The following PRTG variants were observed in gnomAD, a reference collection of about 807,000 sequenced individuals.
PRTG encodes immunoglobulin superfamily, DCC subclass, member 5.
PRTG carries 67 observed loss-of-function variants against 122.5 expected under a neutral mutation model. The ratio of observed to expected loss-of-function variants is 0.55; its 90% confidence interval spans 0.45 to 0.67. The LOEUF is 0.67. PRTG is among the 30% of genes least tolerant of loss of function. The pLI is 0.00. For missense variants in PRTG, 1,435 were observed against 1,415.4 expected (o/e 1.01, Z -0.22); for synonymous variants, 554 against 501.1 (o/e 1.11, Z -1.41).
At chr15:55,646,555 C>T (rs1402039248) in intron 11 of PRTG, among the ~76,000 whole-genome samples, 3 of 152,100 alleles carry the variant, frequency 2.0e-5, no homozygotes, top group Non-Finnish European at 2.9e-5. Flanking sequence ...ATCTCCTGAC[C>T]TCGTGATCCA....
intron 2 of PRTG, among the ~76,000 whole-genome samples, chr15:55,714,904 CTT>C (rs1282571884): frequency 6.6e-6 from 1 of 152,148 alleles, no homozygotes; most frequent in African/African-American, 2.4e-5. Flanking sequence ...TCAGAGAGTT[CTT>C]TAACATCTTA....
Position 55,680,498 on chromosome 15 carries a change from G to T in PRTG, c.807C>A (p.Ser269Arg). The change falls in exon 5 of 20, where the codon AGC becomes AGA. Residue 269 changes from serine (S) to arginine (R), a missense_variant. Physicochemically the swap from Ser to Arg is moderately radical, Grantham distance 110. Coordinates refer to ENST00000389286, the MANE Select transcript of PRTG (RefSeq NM_173814.6). The part of the protein sequence containing the change: ...TGNPKPIISW[S>R]RLDHKSIDVF... Reference sequence around the variant, plus strand: ...TTTCCTGAGAAGACTTACCAAGGCGGCTCCAAGAAATGATTGGTTTGGGAT... The same window carrying T: ...TTTCCTGAGAAGACTTACCAAGGCGTCTCCAAGAAATGATTGGTTTGGGAT... 6.3e-7 allele frequency: 1 copy of T among 1,587,978 alleles called. No individual in the cohort carries two copies. Among genetic ancestry groups the T allele is most frequent in the Non-Finnish European group, 8.6e-7 (1 of 1,169,446 alleles).
chr15:55,640,709 T>G (rs926467625), intron 12 of PRTG, among the ~76,000 whole-genome samples: 14 of 152,064 alleles, frequency 9.2e-5, no homozygotes, highest in Non-Finnish European at 1.3e-4. Flanking sequence ...ACTGAGCACC[T>G]ATTTGTTTAA....
intron 2 of PRTG, among the ~76,000 whole-genome samples, chr15:55,717,362 G>A (rs1338492848): frequency 6.6e-6 from 1 of 152,180 alleles, no homozygotes; most frequent in Non-Finnish European, 1.5e-5. Flanking sequence ...AGAAGCCTCA[G>A]GAAGAAAAGG....
chr15:55,733,315 A>T (rs2031299871), intron 2 of PRTG, among the ~76,000 whole-genome samples: 1 of 152,008 alleles, frequency 6.6e-6, no homozygotes, highest in African/African-American at 2.4e-5. Flanking sequence ...GTTCGAGACC[A>T]GCCTGACCAA....
At chr15:55,691,245 G>A (rs1456099363) in intron 2 of PRTG, among the ~76,000 whole-genome samples, 10 of 147,064 alleles carry the variant, frequency 6.8e-5, no homozygotes, top group South Asian at 2.2e-4. Flanking sequence ...GCAGTGAGCC[G>A]AGATCGCACC....
At chr15:55,629,375 ATGTG>A (rs59080250) in intron 15 of PRTG, among the ~76,000 whole-genome samples, 2,094 of 47,156 alleles carry the variant, frequency 0.044, 22 homozygotes, top group African/African-American at 0.054. Context: ...ATATATATAT[ATGTG>A]TGTGTGTGTG....
At chr15:55,704,870 A>G (rs2030039113) in intron 2 of PRTG, among the ~76,000 whole-genome samples, 1 of 152,242 alleles carries the variant, frequency 6.6e-6, no homozygotes, top group African/African-American at 2.4e-5. Flanking sequence ...TCAGATGACC[A>G]GTTAAAGTGA....
chr15:55,684,652 T>G (rs1184586074), intron 2 of PRTG, among the ~76,000 whole-genome samples: 2 of 152,020 alleles, frequency 1.3e-5, no homozygotes, highest in Admixed American at 1.3e-4. Flanking sequence ...GAGTCTCAAG[T>G]CAAAAGTCCA....
chr15:55,678,850 A>C (rs2059519786), intron 7 of PRTG, among the ~76,000 whole-genome samples: 1 of 152,234 alleles, frequency 6.6e-6, no homozygotes, highest in African/African-American at 2.4e-5. Flanking sequence ...TGTTACAATA[A>C]TTTGTATTTA....
chr15:55,675,654 T>C lies in PRTG; in HGVS notation c.1411A>G (p.Ile471Val). Residue 471 changes from isoleucine (I) to valine (V), a missense_variant, in exon 9 of 20, where the codon ATC (isoleucine) becomes GTC (valine). Transcript: ENST00000389286. ...ATATAATGAGTTGTGTCATTTCCGA[T>C]GACTACTTGATACTCTTCATTATTT... ...GLNNEEYQVV[I>V]GNDTTHYIID... is the part of the protein sequence containing the mutation. 6.9e-6 allele frequency: 11 copies of C among 1,585,264 alleles called. No homozygotes were observed. The highest frequency in any genetic ancestry group is 9.5e-6 in the Non-Finnish European group (11 of 1,154,300).
Position 55,628,943 on chromosome 15 carries a change from T to C in PRTG, c.2685A>G (p.Ile895Met). ...CTTCTCCCACCTCATTGGATGCAGA[T>C]ATCTTGACAATGTACACATTTCCTG... ...LVAGNVYIVK[I>M]SASNEVGEGP... The change falls in exon 16 of 20, where the codon ATA becomes ATG. Residue 895 changes from isoleucine (I) to methionine (M), a missense_variant. By Grantham distance (10) the Ile-to-Met change is conservative. Transcript: ENST00000389286. 1.9e-6 allele frequency: 3 copies of C among 1,614,094 alleles called. No individual in the cohort carries two copies. The highest frequency in any genetic ancestry group is 1.7e-6 in the Non-Finnish European group (2 of 1,179,956).
chr15:55,687,528 C>G (rs1277761560), intron 2 of PRTG, among the ~76,000 whole-genome samples: 1 of 152,160 alleles, frequency 6.6e-6, no homozygotes, highest in Non-Finnish European at 1.5e-5. Context: ...AGCAGTTCCC[C>G]TTTTTTCTCA....
chr15:55,672,323 A>T, intron 11 of PRTG, 122 bp downstream of exon 11: 1 of 789,660 alleles, frequency 1.3e-6, no homozygotes, highest in Non-Finnish European at 2.1e-6. Flanking sequence ...ACACTGACAT[A>T]GTAAAATCAA....
At chr15:55,709,488 AATAT>A (rs2030295488) in intron 2 of PRTG, among the ~76,000 whole-genome samples, 1 of 151,538 alleles carries the variant, frequency 6.6e-6, no homozygotes, top group African/African-American at 2.4e-5. Flanking sequence ...TAAATAGTTA[AATAT>A]ATATTTATTA....
chr15:55,637,075 TA>T, intron 15 of PRTG, 94 bp downstream of exon 15: 1 of 1,114,124 alleles, frequency 9.0e-7, no homozygotes, highest in Non-Finnish European at 1.2e-6. Context: ...CATAAAAATG[TA>T]AATTCAAAAT....
intron 18 of PRTG, among the ~76,000 whole-genome samples, chr15:55,621,288 T>G (rs1289175776): frequency 6.6e-6 from 1 of 151,710 alleles, no homozygotes; most frequent in Non-Finnish European, 1.5e-5. Flanking sequence ...GAGGGAGAGG[T>G]TGCAGTGAGC....
At chr15:55,662,490 T>C (rs2141774096) in intron 11 of PRTG, among the ~76,000 whole-genome samples, 1 of 152,352 alleles carries the variant, frequency 6.6e-6, no homozygotes, top group East Asian at 1.9e-4. Context: ...TTTCCCATAA[T>C]ATGGCAGCCT....
intron 2 of PRTG, among the ~76,000 whole-genome samples, chr15:55,698,377 A>G (rs529174170): frequency 6.6e-6 from 1 of 152,068 alleles, no homozygotes; most frequent in African/African-American, 2.4e-5. Context: ...TGTAGCCTCA[A>G]CTTCCCGGGC....
Sources: allele counts gnomAD v4.1 joint callset (sites outside exome capture counted in the v4.1 genomes callset), GRCh38; gene constraint gnomAD v4.1.1; transcripts MANE v1.5; gene names NCBI Gene and HGNC (gene_info 2026-07-23, HGNC 2026-07-21).